The following TRPM6 variants were observed in gnomAD, a reference collection of about 807,000 sequenced individuals.
TRPM6 encodes channel kinase 2.
In TRPM6, 111 loss-of-function variants were observed where a neutral mutation model predicts 247.6. The ratio of observed to expected loss-of-function variants is 0.45; its 90% confidence interval spans 0.38 to 0.52. The LOEUF is 0.52. Ranked by LOEUF, TRPM6 falls within the 20% of genes least tolerant of loss-of-function variation. The pLI is 0.00. For synonymous variants in TRPM6, 892 were observed against 853.8 expected (o/e 1.04, Z -0.78); for missense variants, 2,126 against 2,421.5 (o/e 0.88, Z 2.56).
At chr9:74,851,522 CG>C (rs1269208620) in intron 3 of TRPM6, among the ~76,000 whole-genome samples, 1 of 150,876 alleles carries the variant, frequency 6.6e-6, no homozygotes, top group Non-Finnish European at 1.5e-5. Flanking sequence ...CTGAGGACGG[CG>C]GAACATTTAA....
chr9:74,725,514 T>G (rs141674416), intron 38 of TRPM6, among the ~76,000 whole-genome samples: 35 of 152,288 alleles, frequency 2.3e-4, no homozygotes, highest in African/African-American at 7.0e-4. Context: ...GAATTGTAAC[T>G]CCCACAATTC....
At chr9:74,832,598 C>T (rs2118111349) in intron 6 of TRPM6, among the ~76,000 whole-genome samples, 1 of 152,250 alleles carries the variant, frequency 6.6e-6, no homozygotes, top group South Asian at 2.1e-4. Flanking sequence ...CTCAAATTTG[C>T]TTCAAAATAA....
In TRPM6 at chr9:74,724,468, G is replaced by C; in HGVS notation, c.*145C>G. On this transcript the variant is annotated 3_prime_UTR_variant, in exon 39 of 39. Transcript: ENST00000360774. ...GAACCCATTGATCATATACCAATGA[G>C]GCCTTTGAACAGAAGGAGATGTGAG... The C allele has an allele frequency of 8.6e-7, 1 of 1,159,140 alleles. No individual in the cohort carries two copies. 71.8% of individuals were successfully genotyped at this position (1,159,140 alleles called of 1,614,324 possible). A position where few individuals can be genotyped will look rare whatever the true frequency, so the allele number is the denominator to read the frequency against.
chr9:74,802,429 C>A (rs1828377574), intron 15 of TRPM6, among the ~76,000 whole-genome samples: 1 of 152,078 alleles, frequency 6.6e-6, no homozygotes, highest in African/African-American at 2.4e-5. Context: ...TAAAGCAGTG[C>A]CTCTTTAGGA....
At chr9:74,887,229 A>G (rs1831561861) in intron 1 of TRPM6, 4 of 1,271,744 alleles carry the variant, frequency 3.1e-6, no homozygotes, top group East Asian at 2.9e-5. Flanking sequence ...GCGGGTGTTT[A>G]CCGTAACCGG....
Position 74,739,387 on chromosome 9 carries a change from T to A in TRPM6, c.5550A>T (p.Gln1850His). ...CTTACCTTGGTGTGTAGGGTATGGT[T>A]TGTGGTTTCACTTGGTTGAAGGTAT... ...LIYTFNQVKP[Q>H]TIPYTPRFLE... Residue 1850 changes from glutamine (Q) to histidine (H), a missense_variant, in exon 35 of 39, where the codon CAA becomes CAT. Gln to His is a conservative substitution (Grantham distance 24). Around this residue, in one of 3 missense-constraint regions of TRPM6, gnomAD observed 327 missense variants for 397.7 expected, o/e 0.82. Coordinates refer to ENST00000360774, the MANE Select transcript of TRPM6 (RefSeq NM_017662.5). 1 of 1,614,166 alleles carries A rather than the reference T, an allele frequency of 6.2e-7. No individual in the cohort carries two copies.
chr9:74,813,983 G>C (rs570774506), intron 11 of TRPM6, among the ~76,000 whole-genome samples: 48 of 152,278 alleles, frequency 3.2e-4, no homozygotes, highest in African/African-American at 1.1e-3. Context: ...TGTAATCCCA[G>C]CTACTCGGGA....
At chr9:74,873,901 C>T (rs1831106799) in intron 1 of TRPM6, among the ~76,000 whole-genome samples, 1 of 151,598 alleles carries the variant, frequency 6.6e-6, no homozygotes, top group Non-Finnish European at 1.5e-5. Context: ...ATAACTGATT[C>T]CCCTAAAATT....
At chr9:74,785,750 C>G (rs1827633821) in intron 21 of TRPM6, 124 bp downstream of exon 21, 1 of 1,058,964 alleles carries the variant, frequency 9.4e-7, no homozygotes. Context: ...TTCTTGATCT[C>G]CTGACCTTGT....
intron 23 of TRPM6, among the ~76,000 whole-genome samples, chr9:74,782,058 G>A (rs780135743): frequency 2.0e-5 from 3 of 152,110 alleles, no homozygotes; most frequent in Non-Finnish European, 4.4e-5. Flanking sequence ...GATGTGCCTA[G>A]GTTATATGAA....
At position 74,728,130 on chromosome 9, in the gene TRPM6, G is replaced by A. The variant is rs779796828; in HGVS notation, c.5935+109C>T. On this transcript the variant is annotated intron_variant, in intron 38 of 38. Transcript: ENST00000360774. ...CAGAGAGTCAGGCTCTGCGAATGAC[G>A]GTGAATGAGATAAAAATGTGATTAC... The A allele has an allele frequency of 7.4e-5, 65 of 883,664 alleles. 1 individual carries two copies. In the South Asian group the frequency reaches 7.5e-4, roughly 10 times the overall value. The allele number at this position is 883,664 out of a possible 1,614,324, so 54.7% of individuals were successfully genotyped here.
chr9:74,804,652 C>A, intron 14 of TRPM6: 7 of 750,324 alleles, frequency 9.3e-6, no homozygotes, highest in Non-Finnish European at 1.7e-5. Flanking sequence ...AAGGTGTCCT[C>A]TGTGACTATT....
At chr9:74,804,858 A>T (rs1828478783) in intron 14 of TRPM6, 1 of 420,198 alleles carries the variant, frequency 2.4e-6, no homozygotes, top group African/African-American at 2.0e-5. Flanking sequence ...AAAAGTCCGA[A>T]GCACAAAAAA....
intron 36 of TRPM6, among the ~76,000 whole-genome samples, chr9:74,737,118 G>A (rs1825721423): frequency 6.6e-6 from 1 of 152,116 alleles, no homozygotes. Flanking sequence ...ATAGGGATCA[G>A]GTACTTGCTG....
At chr9:74,801,861 G>A (rs369685979) in intron 16 of TRPM6, 37 bp downstream of exon 16, 62 of 1,609,904 alleles carry the variant, frequency 3.9e-5, no homozygotes, top group Non-Finnish European at 4.8e-5. Context: ...TCTAAGAAGT[G>A]TTGATGTTTA....
At chr9:74,765,166 T>C (rs898518977) in intron 25 of TRPM6, among the ~76,000 whole-genome samples, 4 of 152,194 alleles carry the variant, frequency 2.6e-5, no homozygotes, top group African/African-American at 9.6e-5. Flanking sequence ...TTAAAAATCA[T>C]ACATTGTTGA....
chr9:74,785,971 A>G lies in TRPM6; in HGVS notation c.2822T>C (p.Ile941Thr). The change falls in exon 21 of 39, where the codon ATC becomes ACC. Residue 941 changes from isoleucine (I) to threonine (T), a missense_variant. Physicochemically the swap from Ile to Thr is moderately conservative, Grantham distance 89 (BLOSUM62 -1). Around this residue, in one of 3 missense-constraint regions of TRPM6, gnomAD observed 1,082 missense variants for 1,307.9 expected, o/e 0.83. Transcript: ENST00000360774. Reference protein sequence around the residue: ...DPPFHTAGRLIYCIDIIFWFS... With the variant: ...DPPFHTAGRLTYCIDIIFWFS... Reference sequence around the variant, plus strand: ...CCAGAATATGATGTCTATGCAGTAGATCAGTCTTCCCGCTGTGTGAAAAGG... The same window carrying G: ...CCAGAATATGATGTCTATGCAGTAGGTCAGTCTTCCCGCTGTGTGAAAAGG... The G allele has an allele frequency of 6.2e-7, 1 of 1,614,254 alleles. No individual in the cohort carries two copies. Among genetic ancestry groups the G allele is most frequent in the Non-Finnish European group, 8.5e-7 (1 of 1,180,050 alleles).
intron 5 of TRPM6, among the ~76,000 whole-genome samples, chr9:74,838,607 A>C (rs1186391286): frequency 1.3e-5 from 2 of 152,250 alleles, no homozygotes; most frequent in Admixed American, 1.3e-4. Flanking sequence ...CCTGTAAGGC[A>C]AAATACCAAC....
chr9:74,740,135 G>A (rs1300765713), intron 33 of TRPM6, 126 bp from the exon 34 acceptor site: 2 of 1,064,692 alleles, frequency 1.9e-6, no homozygotes, highest in Admixed American at 2.0e-5. Context: ...GGGACTAGCA[G>A]GGAACAGAAC....
Sources: allele counts gnomAD v4.1 joint callset (sites outside exome capture counted in the v4.1 genomes callset), GRCh38; gene constraint gnomAD v4.1.1; regional missense constraint gnomAD v4.1.1; transcripts MANE v1.5; gene names NCBI Gene and HGNC (gene_info 2026-07-23, HGNC 2026-07-21).